FAF1: variants seen among roughly 807,000 people sequenced by gnomAD.
The protein encoded by FAF1 is FAS-associated factor 1.
Under a neutral mutation model 92.5 loss-of-function variants are expected in FAF1, and 25 were observed. That is an observed-to-expected ratio of 0.27 (90% confidence interval 0.20 to 0.38). The LOEUF (loss-of-function observed/expected upper bound fraction) is 0.38. FAF1 is among the 10% of genes least tolerant of loss of function. The pLI, the probability that FAF1 is intolerant of heterozygous loss-of-function variation, is 1.00. For missense variants in FAF1, 636 were observed against 793.3 expected (o/e 0.80, Z 2.38); for synonymous variants, 234 against 273.2 (o/e 0.86, Z 1.42).
chr1:50,635,488 T>C (rs913176761), intron 8 of FAF1, among the ~76,000 whole-genome samples: 2 of 152,194 alleles, frequency 1.3e-5, no homozygotes, highest in Admixed American at 1.3e-4. Flanking sequence ...TGCAGTGTCA[T>C]GATCATGGCT....
intron 1 of FAF1, among the ~76,000 whole-genome samples, chr1:50,949,578 C>A (rs527608049): frequency 6.6e-6 from 1 of 152,314 alleles, no homozygotes; most frequent in African/African-American, 2.4e-5. Context: ...TTAGGCTTTG[C>A]AGGACATGCA....
intron 6 of FAF1, among the ~76,000 whole-genome samples, chr1:50,713,013 T>C (rs1021987899): frequency 3.3e-5 from 5 of 151,304 alleles, no homozygotes; most frequent in Admixed American, 3.3e-4. Context: ...AATACAAAAA[T>C]TAGCCCAGCA....
At chr1:50,552,688 G>C (rs892789945) in intron 13 of FAF1, among the ~76,000 whole-genome samples, 2 of 152,072 alleles carry the variant, frequency 1.3e-5, no homozygotes, top group African/African-American at 4.8e-5. Flanking sequence ...ATATAGACAG[G>C]ATAGAAAAAT....
intron 7 of FAF1, among the ~76,000 whole-genome samples, chr1:50,678,426 A>T (rs1237895435): frequency 2.6e-5 from 4 of 152,180 alleles, no homozygotes; most frequent in Non-Finnish European, 5.9e-5. Flanking sequence ...TGTAATTTAC[A>T]CATTTGGCCA....
chr1:50,677,890 T>C (rs1656199401), intron 7 of FAF1, among the ~76,000 whole-genome samples: 1 of 120,850 alleles, frequency 8.3e-6, no homozygotes, highest in African/African-American at 3.4e-5. Context: ...AACAAAACTC[T>C]GCCTCAAAAA....
chr1:50,841,549 G>A (rs1049835279), intron 2 of FAF1, among the ~76,000 whole-genome samples: 2 of 151,912 alleles, frequency 1.3e-5, no homozygotes, highest in Non-Finnish European at 2.9e-5. Context: ...AAACTCAGAA[G>A]AAATACAGGA....
At chr1:50,733,756 C>T (rs1409493408) in intron 6 of FAF1, among the ~76,000 whole-genome samples, 2 of 152,140 alleles carry the variant, frequency 1.3e-5, no homozygotes, top group African/African-American at 4.8e-5. Flanking sequence ...AAATAAATGC[C>T]TATTGTTTAA....
intron 13 of FAF1, among the ~76,000 whole-genome samples, chr1:50,557,397 T>C (rs983949827): frequency 2.6e-5 from 4 of 152,200 alleles, no homozygotes; most frequent in East Asian, 1.9e-4. Flanking sequence ...TGCTATTAAG[T>C]AGAGAGACAC....
chr1:50,520,100 T>C (rs1238159203), intron 15 of FAF1, among the ~76,000 whole-genome samples: 1 of 152,230 alleles, frequency 6.6e-6, no homozygotes, highest in Non-Finnish European at 1.5e-5. Flanking sequence ...TGTCTACATA[T>C]CATCCTTTAA....
intron 2 of FAF1, among the ~76,000 whole-genome samples, chr1:50,805,111 T>G (rs1320766400): frequency 2.0e-5 from 3 of 152,238 alleles, no homozygotes; most frequent in African/African-American, 7.2e-5. Context: ...ACTGATTAAA[T>G]ATTTGGTCAA....
intron 8 of FAF1, among the ~76,000 whole-genome samples, chr1:50,600,022 T>C (rs1652021473): frequency 6.6e-6 from 1 of 152,142 alleles, no homozygotes; most frequent in Non-Finnish European, 1.5e-5. Flanking sequence ...GATTTTCAGA[T>C]TACGGATACT....
chr1:50,953,656 T>C (rs977874478), intron 1 of FAF1, among the ~76,000 whole-genome samples: 2 of 151,734 alleles, frequency 1.3e-5, no homozygotes, highest in Non-Finnish European at 2.9e-5. Context: ...GGAGAATCGC[T>C]TGAACCCAGG....
chr1:50,906,375 T>A (rs1644838799), intron 1 of FAF1, among the ~76,000 whole-genome samples: 1 of 152,210 alleles, frequency 6.6e-6, no homozygotes, highest in South Asian at 2.1e-4. Flanking sequence ...CTTTTTTGGT[T>A]CCATATGAAC....
At chr1:50,706,151 G>C in intron 6 of FAF1, 2 of 351,376 alleles carry the variant, frequency 5.7e-6, no homozygotes, top group East Asian at 8.6e-5. Context: ...TTTTCTACAA[G>C]TCATAGGCTA....
At chr1:50,558,804 T>A (rs1039277758) in intron 13 of FAF1, among the ~76,000 whole-genome samples, 2 of 152,188 alleles carry the variant, frequency 1.3e-5, no homozygotes, top group African/African-American at 4.8e-5. Context: ...AGCTCTTTTT[T>A]AAAAACAAAT....
intron 15 of FAF1, among the ~76,000 whole-genome samples, chr1:50,510,249 G>A (rs866825021): frequency 1.3e-5 from 2 of 151,074 alleles, no homozygotes; most frequent in Non-Finnish European, 2.9e-5. Flanking sequence ...ATATCACATA[G>A]CATCTGGGAC....
chr1:50,618,611 T>A (rs1027162329), intron 8 of FAF1, among the ~76,000 whole-genome samples: 1 of 152,024 alleles, frequency 6.6e-6, no homozygotes, highest in Non-Finnish European at 1.5e-5. Flanking sequence ...ATCTGGGTGC[T>A]CCAATGCTGG....
intron 6 of FAF1, chr1:50,706,182 T>A: frequency 3.7e-6 from 1 of 267,480 alleles, no homozygotes; most frequent in Non-Finnish European, 7.0e-6. Context: ...TCTGCATACG[T>A]ATCTCCTCCA....
At position 50,475,446 on chromosome 1, in the gene FAF1, A is replaced by C. The variant is rs760237356; in HGVS notation, c.1869+18T>G. On this transcript the variant is annotated intron_variant, in intron 18 of 18. Transcript: ENST00000396153. ...CTCCCACCTGGATATACTTCCTGAG[A>C]TAGGTATGGGAACTTACGTCTCTCC... 14 of 1,578,986 alleles carry C rather than the reference A, an allele frequency of 8.9e-6. No individual in the cohort carries two copies.
Sources: gnomAD v4.1 joint callset for allele counts (sites outside exome capture counted in the v4.1 genomes callset) on GRCh38, gnomAD v4.1.1 for gene constraint, MANE v1.5 for transcripts, NCBI Gene and HGNC (gene_info 2026-07-23, HGNC 2026-07-21) for gene names.